PLCD4: variants seen among roughly 807,000 people sequenced by gnomAD.
The protein encoded by PLCD4 is 1-phosphatidylinositol 4,5-bisphosphate phosphodiesterase delta-4.
PLCD4 carries 63 observed loss-of-function variants against 90.2 expected under a neutral mutation model. The ratio of observed to expected loss-of-function variants is 0.70; its 90% CI spans 0.57 to 0.86. The LOEUF (loss-of-function observed/expected upper bound fraction) is 0.86, where lower values mean the gene tolerates loss of function less well. PLCD4 is among the 40% of genes least tolerant of loss of function. The pLI is 0.00. For missense variants in PLCD4, 830 were observed against 956.3 expected (o/e 0.87, Z 1.74); for synonymous variants, 294 against 356.5 (o/e 0.82, Z 1.97).
At chr2:218,624,255 A>T (rs533420555) in intron 6 of PLCD4, among the ~76,000 whole-genome samples, 1 of 152,306 alleles carries the variant, frequency 6.6e-6, no homozygotes, top group Non-Finnish European at 1.5e-5. Context: ...TCATTCATTT[A>T]TTCACTACTT....
At chr2:218,616,940 A>AT (rs1458452228) in intron 3 of PLCD4, among the ~76,000 whole-genome samples, 1 of 36,484 alleles carries the variant, frequency 2.7e-5, no homozygotes, top group Non-Finnish European at 5.2e-5. Flanking sequence ...AGAGAGAGAG[A>AT]GAGAGAGAGA....
chr2:218,635,698 T>A (rs1696689577), intron 13 of PLCD4, 98 bp from the exon 14 acceptor site: 1 of 1,463,606 alleles, frequency 6.8e-7, no homozygotes, highest in South Asian at 1.4e-5. Flanking sequence ...GAGGATGTTT[T>A]ACAAACCAAA....
intron 8 of PLCD4, 153 bp from the exon 9 acceptor site, chr2:218,630,497 T>C: frequency 2.3e-6 from 2 of 854,598 alleles, no homozygotes; most frequent in South Asian, 1.6e-5. Context: ...CCCAGCAAGA[T>C]CTCACTGAAT....
intron 14 of PLCD4, 99 bp downstream of exon 14, chr2:218,636,030 C>A: frequency 6.4e-7 from 1 of 1,552,582 alleles, no homozygotes. Flanking sequence ...ATTGCATGTC[C>A]CCACATGGGA....
intron 4 of PLCD4, among the ~76,000 whole-genome samples, chr2:218,619,202 T>C (rs1298742993): frequency 2.0e-5 from 3 of 152,062 alleles, no homozygotes; most frequent in Non-Finnish European, 4.4e-5. Flanking sequence ...TTTCATTCAT[T>C]TATTCATTCA....
intron 10 of PLCD4, chr2:218,633,257 C>T (rs1403703533): frequency 1.6e-6 from 1 of 614,686 alleles, no homozygotes; most frequent in African/African-American, 1.8e-5. Context: ...TAATGCCTCT[C>T]TGTTTAAATA....
Position 218,634,872 on chromosome 2 carries a change from C to T in PLCD4, c.1896+242C>T, listed in dbSNP as rs1696621996. ...CTGCAAAATAGGGGTAACACTACCA[C>T]CTGCCTCACAGGGTTATAAGGAGTA... On this transcript the variant is annotated intron_variant, in intron 13 of 15. Coordinates refer to ENST00000450993, the MANE Select transcript of PLCD4 (RefSeq NM_032726.4). The surrounding 1 kb of genome is among the most constrained non-coding windows in gnomAD (Gnocchi z 4.0). Among the ~76,000 whole-genome samples the T allele has an allele frequency of 6.6e-6, 1 of 152,198 alleles. No individual in the cohort carries two copies. The highest frequency in any genetic ancestry group is 2.4e-5 in the African/African-American group (1 of 41,450).
intron 1 of PLCD4, among the ~76,000 whole-genome samples, chr2:218,613,364 C>G (rs529313979): frequency 2.2e-5 from 3 of 137,356 alleles, no homozygotes; most frequent in Admixed American, 8.3e-5. Flanking sequence ...GCACTCCAGC[C>G]TGGGTAATAA....
At chr2:218,633,897 G>GA (rs1324930298) in intron 11 of PLCD4, 136 bp downstream of exon 11, 9 of 1,252,448 alleles carry the variant, frequency 7.2e-6, no homozygotes, top group Middle Eastern at 1.9e-4. Flanking sequence ...CCTTAGAGCA[G>GA]ACAAGGGCAG....
At chr2:218,616,786 G>A (rs1160838110) in intron 3 of PLCD4, among the ~76,000 whole-genome samples, 1 of 144,118 alleles carries the variant, frequency 6.9e-6, no homozygotes, top group African/African-American at 2.6e-5. Context: ...CTGTAAAACA[G>A]GGATTAAACA....
At chr2:218,610,277 C>A (rs61041272) in intron 1 of PLCD4, among the ~76,000 whole-genome samples, 2,847 of 151,996 alleles carry the variant, frequency 0.019, 93 homozygotes, top group African/African-American at 0.065. Context: ...GAGGCTGAGG[C>A]GGGTGGATCA....
Position 218,618,718 on chromosome 2 carries a change from C to G in PLCD4, c.321C>G (p.Asn107Lys), listed in dbSNP as rs367648245. The change falls in exon 4 of 16, where the codon AAC becomes AAG. Residue 107 changes from asparagine to lysine, a missense_variant. Asn to Lys is a moderately conservative substitution (Grantham distance 94). Transcript: ENST00000450993. ...GCTCCAACCTGGACCTGATGGCCAA[C>G]AGTGTTGAGGAGGCCCAGATATGGA... Reference protein sequence around the residue: ...GRRSNLDLMANSVEEAQIWMR... With the variant: ...GRRSNLDLMAKSVEEAQIWMR... 5.0e-6 allele frequency: 8 copies of G among 1,613,196 alleles called. No individual in the cohort carries two copies. Among genetic ancestry groups the G allele is most frequent in the Non-Finnish European group, 6.8e-6 (8 of 1,179,660 alleles).
In PLCD4 at chr2:218,618,579, T is replaced by C. The variant is rs1459518306; in HGVS notation, c.182T>C (p.Phe61Ser). The change falls in exon 4 of 16, where the codon TTC (phenylalanine) becomes TCC (serine). Residue 61 changes from phenylalanine to serine, a missense_variant and splice_region_variant. Physicochemically the swap from Phe to Ser is radical, Grantham distance 155. Transcript: ENST00000450993. The part of the protein sequence containing the change: ...RQARGSAKPS[F>S]SISDVETIRN... ...CCTCCACCTGTTTCTTCTCTGGCAG[T>C]CTCAATCTCTGATGTGGAGACAATA... is the stretch of plus-strand genomic sequence containing the variant. 2 of 1,613,810 alleles carry C rather than the reference T, an allele frequency of 1.2e-6. No homozygotes were observed. The highest frequency in any genetic ancestry group is 1.7e-6 in the Non-Finnish European group (2 of 1,179,700).
In PLCD4 at chr2:218,616,953, G is replaced by T. The variant is rs1305698778; in HGVS notation, c.181+891G>T. The stretch of plus-strand genomic sequence containing the variant: ...AGAGAGAGAGAGAGAGAGAGAGAGA[G>T]AGAGAGAGAGAGAGAGAGAGAGAGA... On this transcript the variant is annotated intron_variant, in intron 3 of 15. Transcript: ENST00000450993. 8.5e-4 allele frequency among the ~76,000 whole-genome samples: 64 copies of T among 75,634 alleles called. 1 individual carries two copies. The highest frequency in any genetic ancestry group is 1.3e-3 in the Non-Finnish European group (47 of 36,984). 49.6% of individuals were successfully genotyped at this position (75,634 alleles called of 152,430 possible). A position where few individuals can be genotyped will look rare whatever the true frequency, so the allele number is the denominator to read the frequency against.
At chr2:218,627,428 T>A (rs1347107658) in intron 6 of PLCD4, among the ~76,000 whole-genome samples, 2 of 150,740 alleles carry the variant, frequency 1.3e-5, no homozygotes, top group Non-Finnish European at 3.0e-5. Context: ...TTTAGTACTA[T>A]AGCATAAAAA....
At position 218,632,263 on chromosome 2, in the gene PLCD4, C is replaced by G; in HGVS notation, c.1400C>G (p.Thr467Ser). ...SELALESQFE[T>S]EPEPQEQNLQ... ...TTGGCGCTGGAGTCCCAGTTTGAGA[C>G]TGAGCCTGAGCCCCAGGAGCAGAAC... is the stretch of plus-strand genomic sequence containing the variant. The change falls in exon 10 of 16, where the codon ACT becomes AGT. Residue 467 changes from threonine (T) to serine (S), a missense_variant. By Grantham distance (58) the Thr-to-Ser change is moderately conservative (BLOSUM62 1). Coordinates refer to ENST00000450993, the MANE Select transcript of PLCD4 (RefSeq NM_032726.4). The G allele has an allele frequency of 6.2e-7, 1 of 1,611,440 alleles. No homozygotes were observed. Among genetic ancestry groups the G allele is most frequent in the Non-Finnish European group, 8.5e-7 (1 of 1,178,866 alleles).
Position 218,622,879 on chromosome 2 carries a change from G to C in PLCD4, c.772+1G>C, listed in dbSNP as rs1279913805. On this transcript the variant is annotated splice_donor_variant, in intron 6 of 15. Transcript: ENST00000450993. LOFTEE classifies it high-confidence loss of function. ...GACCGCTATGAACCTTCAGACAGTGGTAAGAGAAATCAGGTGGAGAGGCAC... is the reference window on the plus strand; with the variant it reads ...GACCGCTATGAACCTTCAGACAGTGCTAAGAGAAATCAGGTGGAGAGGCAC... 1 of 1,612,204 alleles carries C rather than the reference G, an allele frequency of 6.2e-7. No homozygotes were observed.
Position 218,635,906 on chromosome 2 carries a change from G to A in PLCD4, c.2007G>A (p.Gln669=), listed in dbSNP as rs762952324. 2.1e-4 allele frequency: 337 copies of A among 1,613,926 alleles called. No homozygotes were observed. Among genetic ancestry groups the A allele is most frequent in the Non-Finnish European group, 2.8e-4 (325 of 1,179,912 alleles). Residue 669 remains glutamine, a synonymous_variant, in exon 14 of 16, where the codon CAG becomes CAA. Transcript: ENST00000450993. ...GCGTTCGTCTAGACACAGCACGGCA[G>A]GAGACCAACTATGTGGAGAACAATG... ...IFGVRLDTAR[Q]ETNYVENNGF...
intron 5 of PLCD4, chr2:218,622,350 G>GT: frequency 4.8e-6 from 1 of 208,976 alleles, no homozygotes; most frequent in Non-Finnish European, 9.3e-6. Context: ...TCTTACTGAA[G>GT]TGATTTATTC....
Sources: gnomAD v4.1 joint callset for allele counts (sites outside exome capture counted in the v4.1 genomes callset) on GRCh38, gnomAD v4.1.1 for gene constraint, Gnocchi (gnomAD v3.1) non-coding constraint, MANE v1.5 for transcripts, NCBI Gene and HGNC (gene_info 2026-07-23, HGNC 2026-07-21) for gene names.